The following SRGAP1 variants were observed in gnomAD, a reference collection of about 807,000 sequenced individuals.
The protein encoded by SRGAP1 is SLIT-ROBO Rho GTPase-activating protein 1.
A neutral mutation model predicts 121.9 loss-of-function variants in SRGAP1; 43 were observed. The observed-to-expected ratio is 0.35, with a 90% CI of 0.28 to 0.46. The LOEUF is 0.46. Among genes scored for constraint, SRGAP1 ranks in the 20% least tolerant of loss-of-function variants. The pLI is 1.00. For missense variants in SRGAP1, 1,102 were observed against 1,350.9 expected (o/e 0.82, Z 2.89); for synonymous variants, 447 against 485.4 (o/e 0.92, Z 1.04).
chr12:64,044,882 GT>G (rs1325678034), intron 6 of SRGAP1, among the ~76,000 whole-genome samples: 1 of 151,692 alleles, frequency 6.6e-6, no homozygotes, highest in African/African-American at 2.4e-5. Context: ...CTTTCACCAT[GT>G]TGCCCAGGCC....
chr12:64,094,264 G>T (rs1026309830), intron 12 of SRGAP1, among the ~76,000 whole-genome samples: 12 of 152,014 alleles, frequency 7.9e-5, no homozygotes, highest in African/African-American at 2.9e-4. Context: ...GTTTACATTT[G>T]TTCAGTAGAA....
rs2037146753 is a variant in SRGAP1, at chr12:64,154,257, G to A, written c.*11585G>A. 1 of 152,100 alleles carries A rather than the reference G, an allele frequency of 6.6e-6. No homozygotes were observed. The highest frequency in any genetic ancestry group is 6.6e-5 in the Admixed American group (1 of 15,260). 9.4% of individuals were successfully genotyped at this position (152,100 alleles called of 1,614,324 possible). ...ATGCAGATAACATCATATTAAACAT[G>A]GTTAAGATAGTAAATTTTATACTAT... On this transcript the variant is annotated 3_prime_UTR_variant, in exon 22 of 22. Coordinates refer to ENST00000355086, the MANE Select transcript of SRGAP1 (RefSeq NM_020762.4).
intron 1 of SRGAP1, among the ~76,000 whole-genome samples, chr12:63,907,634 T>C (rs1482906677): frequency 6.6e-6 from 1 of 152,238 alleles, no homozygotes; most frequent in African/African-American, 2.4e-5. Context: ...AAACTCCTTG[T>C]CAGATATATG....
At chr12:63,878,659 T>G (rs1030128426) in intron 1 of SRGAP1, 2 of 152,212 alleles carry the variant, frequency 1.3e-5, no homozygotes, top group Admixed American at 6.5e-5. Flanking sequence ...ATGCCTTGTT[T>G]GTCTGTGAGA....
intron 3 of SRGAP1, among the ~76,000 whole-genome samples, chr12:64,001,229 A>G (rs1275677170): frequency 6.6e-6 from 1 of 152,226 alleles, no homozygotes; most frequent in African/African-American, 2.4e-5. Flanking sequence ...ATTGAAGGAA[A>G]GTTACAACTC....
chr12:63,917,173 A>G (rs774151045), intron 1 of SRGAP1, among the ~76,000 whole-genome samples: 3 of 152,216 alleles, frequency 2.0e-5, no homozygotes, highest in Admixed American at 6.5e-5. Flanking sequence ...GAGCAAATAT[A>G]TGTACAACAC....
chr12:64,071,031 G>T (rs980144193), intron 8 of SRGAP1, among the ~76,000 whole-genome samples: 1 of 152,060 alleles, frequency 6.6e-6, no homozygotes, highest in Admixed American at 6.6e-5. Flanking sequence ...AAGTATCTTT[G>T]ACTTGCCTGC....
At chr12:64,023,547 AG>A (rs2034595250) in intron 4 of SRGAP1, among the ~76,000 whole-genome samples, 1 of 152,334 alleles carries the variant, frequency 6.6e-6, no homozygotes, top group Admixed American at 6.5e-5. Flanking sequence ...CAAAACAAGG[AG>A]TTGACCACTC....
chr12:63,889,234 G>A (rs17099893), intron 1 of SRGAP1, among the ~76,000 whole-genome samples: 8,749 of 152,240 alleles, frequency 0.057, 301 homozygotes, highest in East Asian at 0.14. Context: ...TTTATGGAAG[G>A]ACGAGTGAGT....
chr12:63,949,768 G>C (rs1008147587), intron 1 of SRGAP1, among the ~76,000 whole-genome samples: 4 of 152,076 alleles, frequency 2.6e-5, no homozygotes, highest in African/African-American at 9.7e-5. Flanking sequence ...TAACTTTGAA[G>C]CAGCTTTTCA....
rs1186311051 is a variant in SRGAP1, at chr12:63,884,050, A to G, written c.67+39167A>G. 4.9e-5 allele frequency among the ~76,000 whole-genome samples: 7 copies of G among 143,878 alleles called. No individual in the cohort carries two copies. The East Asian group carries it at 1.3e-3, about 27-fold the overall frequency. 94.4% of individuals were successfully genotyped at this position (143,878 alleles called of 152,430 possible). ...TGTAATCCCAGCACTTCGGGAGGCT[A>G]GGCGGGCGGATCACTTGAGGTCAGG... On this transcript the variant is annotated intron_variant, in intron 1 of 21. Coordinates refer to ENST00000355086, the MANE Select transcript of SRGAP1 (RefSeq NM_020762.4).
At chr12:64,115,697 G>A in intron 17 of SRGAP1, 117 bp from the exon 18 acceptor site, 1 of 681,378 alleles carries the variant, frequency 1.5e-6, no homozygotes. Context: ...GGAGGCAGAG[G>A]TTTCAGTGAG....
chr12:64,017,881 C>T (rs2034446855), intron 4 of SRGAP1, among the ~76,000 whole-genome samples: 1 of 151,766 alleles, frequency 6.6e-6, no homozygotes, highest in South Asian at 2.1e-4. Context: ...ATTAAAACTA[C>T]TTTATTAAAA....
At chr12:64,073,895 T>TAAA (rs2035688146) in intron 8 of SRGAP1, among the ~76,000 whole-genome samples, 1 of 151,782 alleles carries the variant, frequency 6.6e-6, no homozygotes, top group Non-Finnish European at 1.5e-5. Flanking sequence ...TTGTTTGCTT[T>TAAA]AGAAGCTTTT....
chr12:63,959,179 G>T (rs2032561876), intron 1 of SRGAP1, among the ~76,000 whole-genome samples: 1 of 152,066 alleles, frequency 6.6e-6, no homozygotes, highest in African/African-American at 2.4e-5. Context: ...CTAATCGTCT[G>T]ATTTAAAATT....
intron 3 of SRGAP1, among the ~76,000 whole-genome samples, chr12:64,013,219 C>T (rs532785350): frequency 1.3e-5 from 2 of 152,306 alleles, no homozygotes; most frequent in African/African-American, 4.8e-5. Flanking sequence ...CTCATTGTTA[C>T]TGTAATAAAC....
At chr12:63,949,742 CAT>C (rs951710811) in intron 1 of SRGAP1, among the ~76,000 whole-genome samples, 3 of 152,054 alleles carry the variant, frequency 2.0e-5, no homozygotes, top group African/African-American at 7.2e-5. Context: ...CGGTAGAGCA[CAT>C]ATGTGGAATT....
intron 1 of SRGAP1, among the ~76,000 whole-genome samples, chr12:63,858,642 A>ATT (rs1899337039): frequency 6.6e-6 from 1 of 152,200 alleles, no homozygotes; most frequent in South Asian, 2.1e-4. Context: ...TCAGTAGTTA[A>ATT]TCATTTTATT....
intron 1 of SRGAP1, among the ~76,000 whole-genome samples, chr12:63,920,395 C>G (rs2030994070): frequency 6.6e-6 from 1 of 152,036 alleles, no homozygotes. Context: ...GCAAGAGAGT[C>G]CTTGTGAATA....
Sources: gnomAD v4.1 joint callset for allele counts (sites outside exome capture counted in the v4.1 genomes callset) on GRCh38, gnomAD v4.1.1 for gene constraint, MANE v1.5 for transcripts, NCBI Gene and HGNC (gene_info 2026-07-23, HGNC 2026-07-21) for gene names.